CDH26: variants seen among roughly 807,000 people sequenced by gnomAD.
CDH26 encodes cadherin 26, also known as cadherin-like protein 26.
CDH26 carries 83 observed loss-of-function variants against 90.3 expected under a neutral mutation model. The ratio of observed to expected loss-of-function variants is 0.92; its 90% confidence interval spans 0.77 to 1.10. CDH26 has a LOEUF of 1.10. Among genes scored for constraint, CDH26 ranks in the 50% least tolerant of loss-of-function variants. The pLI, the probability that CDH26 is intolerant of heterozygous loss-of-function variation, is 0.00. For synonymous variants in CDH26, 397 were observed against 396.3 expected (o/e 1.00, Z -0.02); for missense variants, 1,013 against 1,037.6 (o/e 0.98, Z 0.33).
Position 59,970,139 on chromosome 20 carries a change from G to A in CDH26, c.184G>A (p.Glu62Lys). ...SKRRWVITTLELEEEDPGPFP... is the reference protein window; with the variant it reads ...SKRRWVITTLKLEEEDPGPFP... ...GAGAAGATGGGTTATCACCACCTTG[G>A]AGCTGGAGGAGGAAGACCCGGGACC... Residue 62 changes from glutamate to lysine, a missense_variant, in exon 3 of 18, where the codon GAG becomes AAG. Transcript: ENST00000348616. 6.2e-7 allele frequency: 1 copy of A among 1,614,066 alleles called. No individual in the cohort carries two copies. Among genetic ancestry groups the A allele is most frequent in the Non-Finnish European group, 8.5e-7 (1 of 1,179,976 alleles).
In CDH26 at chr20:60,012,702, T is replaced by C; in HGVS notation, c.2471T>C (p.Ile824Thr). Residue 824 changes from isoleucine to threonine, a missense_variant, in exon 18 of 18, where the codon ATA becomes ACA. Ile to Thr is a moderately conservative substitution (Grantham distance 89). Coordinates refer to ENST00000348616, the MANE Select transcript of CDH26 (RefSeq NM_177980.4). ...LGSKATPFEEIYSESGVPS is the reference protein window; with the variant it reads ...LGSKATPFEETYSESGVPS ...TCAAAAGCGACTCCGTTTGAGGAAA[T>C]ATATTCAGAGTCAGGTGTTCCTTCC... 1 of 1,613,986 alleles carries C rather than the reference T, an allele frequency of 6.2e-7. No homozygotes were observed. Among genetic ancestry groups the C allele is most frequent in the Non-Finnish European group, 8.5e-7 (1 of 1,179,982 alleles).
chr20:60,016,763 C>A (rs1004305835), downstream of CDH26, among the ~76,000 whole-genome samples: 7 of 151,892 alleles, frequency 4.6e-5, no homozygotes, highest in Non-Finnish European at 8.8e-5. Context: ...CATATATAGC[C>A]TTAATTTGTT....
rs981035162 is a variant in CDH26, at chr20:59,961,202, C to T, written c.69+2407C>T. ...CTTCCCTCACTCCTGCTCCTACCCA[C>T]AATGAGTCTGATCAGGAAACAGACC... is the stretch of plus-strand genomic sequence containing the variant. On this transcript the variant is annotated intron_variant, in intron 1 of 17. Transcript: ENST00000348616. Among the ~76,000 whole-genome samples, 3 of 151,970 alleles carry T rather than the reference C, an allele frequency of 2.0e-5. No individual in the cohort carries two copies. The East Asian group carries it at 5.8e-4, about 29-fold the overall frequency.
At chr20:60,034,806 G>A (rs541649231), downstream of CDH26, among the ~76,000 whole-genome samples, 2 of 152,326 alleles carry the variant, frequency 1.3e-5, no homozygotes, top group South Asian at 4.1e-4. Context: ...GGATGGGTTG[G>A]CGACTGAACA....
chr20:59,988,830 G>T, intron 8 of CDH26, 74 bp from the exon 9 acceptor site: 1 of 1,543,774 alleles, frequency 6.5e-7, no homozygotes, highest in South Asian at 1.2e-5. Flanking sequence ...AGTTTGCAAT[G>T]ATGACTCGGC....
intron 8 of CDH26, chr20:60,033,368 C>T: frequency 8.3e-7 from 1 of 1,201,334 alleles, no homozygotes; most frequent in Non-Finnish European, 1.1e-6. Flanking sequence ...GGCTGCCTTC[C>T]TTCATGCATA....
intron 7 of CDH26, among the ~76,000 whole-genome samples, chr20:60,021,893 C>CATATATAT (rs1440474881): frequency 1.5e-4 from 13 of 87,416 alleles, no homozygotes; most frequent in Non-Finnish European, 2.5e-4. Context: ...CACACACACA[C>CATATATAT]ACACATATAT....
At chr20:60,028,989 C>A (rs904928853) in intron 7 of CDH26, among the ~76,000 whole-genome samples, 2 of 152,176 alleles carry the variant, frequency 1.3e-5, no homozygotes, top group East Asian at 1.9e-4. Context: ...CAAGGGGATG[C>A]TATTCAGCCT....
At chr20:59,977,416 G>A (rs1327795115) in intron 4 of CDH26, among the ~76,000 whole-genome samples, 2 of 152,104 alleles carry the variant, frequency 1.3e-5, no homozygotes, top group East Asian at 3.9e-4. Context: ...ACAAACAAAA[G>A]CACCCTTTAT....
At chr20:60,002,587 AT>A (rs1431912706) in intron 15 of CDH26, among the ~76,000 whole-genome samples, 1 of 152,086 alleles carries the variant, frequency 6.6e-6, no homozygotes, top group African/African-American at 2.4e-5. Flanking sequence ...CTGGGTGTTA[AT>A]GGACCCAAGA....
At chr20:60,011,725 G>A (rs1055710634) in intron 17 of CDH26, among the ~76,000 whole-genome samples, 7 of 152,292 alleles carry the variant, frequency 4.6e-5, no homozygotes, top group African/African-American at 1.2e-4. Context: ...CCCTGTAACA[G>A]GGGGTGCGCA....
chr20:60,011,201 T>A (rs2061834672), intron 17 of CDH26, among the ~76,000 whole-genome samples: 1 of 152,150 alleles, frequency 6.6e-6, no homozygotes, highest in South Asian at 2.1e-4. Context: ...GGAGAGTTGG[T>A]GATGACTCTA....
chr20:59,974,717 GCCCTGTC>G (rs2061307302), intron 4 of CDH26, among the ~76,000 whole-genome samples: 1 of 152,082 alleles, frequency 6.6e-6, no homozygotes, highest in Non-Finnish European at 1.5e-5. Flanking sequence ...TTGATCCGTG[GCCCTGTC>G]ATTTAACTAC....
intron 3 of CDH26, 53 bp downstream of exon 3, chr20:59,970,239 G>T (rs940343867): frequency 1.5e-5 from 24 of 1,591,364 alleles, no homozygotes; most frequent in Non-Finnish European, 1.4e-5. Flanking sequence ...AAGTAAGCAC[G>T]CCCCTTTGGC....
At chr20:59,960,964 G>A (rs1332593949) in intron 1 of CDH26, among the ~76,000 whole-genome samples, 1 of 152,216 alleles carries the variant, frequency 6.6e-6, no homozygotes, top group Non-Finnish European at 1.5e-5. Context: ...ACATAATAGG[G>A]GGAAAACCCT....
At chr20:59,982,860 A>T in intron 4 of CDH26, 63 bp from the exon 5 acceptor site, 1 of 1,560,886 alleles carries the variant, frequency 6.4e-7, no homozygotes, top group Non-Finnish European at 8.8e-7. Context: ...GATAACAGTT[A>T]TTTTATTAGA....
chr20:59,970,655 A>G (rs1303883081), intron 3 of CDH26, among the ~76,000 whole-genome samples: 1 of 151,710 alleles, frequency 6.6e-6, no homozygotes, highest in African/African-American at 2.4e-5. Context: ...CTAAAAATAC[A>G]AAAAATTAAC....
intron 7 of CDH26, among the ~76,000 whole-genome samples, chr20:60,022,016 A>G (rs1031999935): frequency 6.6e-6 from 1 of 151,554 alleles, no homozygotes; most frequent in African/African-American, 2.4e-5. Flanking sequence ...GGCATAGGAT[A>G]TTTCAGCCTT....
chr20:59,958,827 G>A (rs1294265854), intron 1 of CDH26, 32 bp downstream of exon 1: 5 of 1,601,720 alleles, frequency 3.1e-6, no homozygotes, highest in African/African-American at 1.3e-5. Flanking sequence ...GTGCTCAGGT[G>A]CAGGGAACTG....
Sources: gnomAD v4.1 joint callset for allele counts (sites outside exome capture counted in the v4.1 genomes callset) on GRCh38, gnomAD v4.1.1 for gene constraint, MANE v1.5 for transcripts, NCBI Gene and HGNC (gene_info 2026-07-23, HGNC 2026-07-21) for gene names.